ABLIM1: variants seen among roughly 807,000 people sequenced by gnomAD.
ABLIM1 encodes the protein actin binding LIM protein 1.
In ABLIM1, 40 loss-of-function variants were observed where a neutral mutation model predicts 107.0. The observed-to-expected ratio is 0.37, with a 90% CI of 0.29 to 0.49. The LOEUF (loss-of-function observed/expected upper bound fraction) is 0.49, where lower values mean the gene tolerates loss of function less well. Ranked by LOEUF, ABLIM1 falls within the 20% of genes least tolerant of loss-of-function variation. The pLI, the probability that ABLIM1 is intolerant of heterozygous loss-of-function variation, is 0.97. For missense variants in ABLIM1, 857 were observed against 1,008.5 expected (o/e 0.85, Z 2.04); for synonymous variants, 357 against 357.3 (o/e 1.00, Z 0.01).
At chr10:114,673,132 C>A (rs1478099581) in intron 1 of ABLIM1, among the ~76,000 whole-genome samples, 1 of 151,986 alleles carries the variant, frequency 6.6e-6, no homozygotes, top group Non-Finnish European at 1.5e-5. Context: ...GTGGTGCATG[C>A]CTGCAATCCC....
intron 4 of ABLIM1, among the ~76,000 whole-genome samples, chr10:114,568,082 C>T (rs1162195495): frequency 1.4e-5 from 2 of 147,646 alleles, no homozygotes; most frequent in African/African-American, 2.5e-5. Context: ...CCCAGCTACT[C>T]GGGAGGCTGA....
the ABLIM1 span, among the ~76,000 whole-genome samples, chr10:114,792,992 A>T: frequency 6.6e-6 from 1 of 152,090 alleles, no homozygotes; most frequent in African/African-American, 2.4e-5. Flanking sequence ...TCTCTACTGA[A>T]AATACAAAAA....
chr10:114,724,201 A>G (rs1051196615), intron 1 of ABLIM1, among the ~76,000 whole-genome samples: 4 of 152,214 alleles, frequency 2.6e-5, no homozygotes, highest in Non-Finnish European at 5.9e-5. Context: ...AAAGCCTGTA[A>G]CAAGAGACTC....
intron 1 of ABLIM1, among the ~76,000 whole-genome samples, chr10:114,663,576 T>G (rs2079882639): frequency 6.6e-6 from 1 of 152,226 alleles, no homozygotes; most frequent in African/African-American, 2.4e-5. Flanking sequence ...AATGTTCACA[T>G]TCTATACCAT....
At chr10:114,541,558 A>G (rs1565879037) in intron 6 of ABLIM1, among the ~76,000 whole-genome samples, 1 of 152,098 alleles carries the variant, frequency 6.6e-6, no homozygotes, top group Non-Finnish European at 1.5e-5. Context: ...GTCACACGTC[A>G]GTGTGATAAC....
chr10:114,731,266 G>A (rs1275841841), intron 1 of ABLIM1, among the ~76,000 whole-genome samples: 1 of 149,092 alleles, frequency 6.7e-6, no homozygotes, highest in Admixed American at 6.7e-5. Flanking sequence ...TCAGCCTTGC[G>A]AGTAGCTGAG....
chr10:114,597,604 A>C (rs1246812436), intron 2 of ABLIM1, among the ~76,000 whole-genome samples: 1 of 152,138 alleles, frequency 6.6e-6, no homozygotes, highest in Non-Finnish European at 1.5e-5. Flanking sequence ...AACAAAAAGA[A>C]AAGAAAATAA....
Position 114,734,853 on chromosome 10 carries a change from ATAAC to A in ABLIM1, c.-213+33204_-213+33207del, listed in dbSNP as rs745718143. Among the ~76,000 whole-genome samples, 7 of 152,310 alleles carry A rather than the reference ATAAC, an allele frequency of 4.6e-5. No individual in the cohort carries two copies. The East Asian group carries it at 1.4e-3, about 29-fold the overall frequency. ...CCTTCATCTAGCGATAACTTAGTAA[ATAAC>A]TAATAAGTAAACATACGCAAAATAG... On this transcript the variant is annotated intron_variant, in intron 1 of 15. Coordinates refer to the ABLIM1 transcript ENST00000651092.
At chr10:114,443,192 G>A (rs1053010265) in intron 17 of ABLIM1, among the ~76,000 whole-genome samples, 6 of 152,152 alleles carry the variant, frequency 3.9e-5, no homozygotes, top group Admixed American at 3.9e-4. Flanking sequence ...GAGAGAATTG[G>A]CTTATGACAA....
At chr10:114,593,319 C>G (rs918185228) in intron 2 of ABLIM1, among the ~76,000 whole-genome samples, 1 of 152,140 alleles carries the variant, frequency 6.6e-6, no homozygotes, top group African/African-American at 2.4e-5. Context: ...ACCCTACTTG[C>G]AAGCTAACAA....
the ABLIM1 span, among the ~76,000 whole-genome samples, chr10:114,788,589 G>A: frequency 3.9e-5 from 6 of 152,122 alleles, no homozygotes; most frequent in African/African-American, 9.6e-5. Context: ...TTAGCTGGGC[G>A]TGGTGGCGTG....
chr10:114,795,709 C>CA, the ABLIM1 span, among the ~76,000 whole-genome samples: 4,366 of 108,990 alleles, frequency 0.04, 69 homozygotes, highest in Non-Finnish European at 0.055. Flanking sequence ...GACTCCATCT[C>CA]AAAAAAAAAA....
intron 1 of ABLIM1, among the ~76,000 whole-genome samples, chr10:114,645,096 C>G (rs1301056367): frequency 6.6e-6 from 1 of 152,188 alleles, no homozygotes; most frequent in Non-Finnish European, 1.5e-5. Flanking sequence ...AAAATAATAT[C>G]TCAGTTGGGA....
chr10:114,787,580 G>A, the ABLIM1 span, among the ~76,000 whole-genome samples: 7 of 142,670 alleles, frequency 4.9e-5, no homozygotes, highest in African/African-American at 1.8e-4. Flanking sequence ...GGAGGGAGGT[G>A]GGGGGTCAGC....
intron 1 of ABLIM1, among the ~76,000 whole-genome samples, chr10:114,694,468 A>G (rs1330283373): frequency 6.6e-6 from 1 of 152,204 alleles, no homozygotes; most frequent in East Asian, 1.9e-4. Context: ...CTCATTTACA[A>G]AAGGGCTCCT....
At chr10:114,641,367 C>G (rs532774703) in intron 1 of ABLIM1, among the ~76,000 whole-genome samples, 1 of 150,768 alleles carries the variant, frequency 6.6e-6, no homozygotes. Context: ...CAAGTGTTTC[C>G]TAAGTGTCAG....
intron 2 of ABLIM1, among the ~76,000 whole-genome samples, chr10:114,575,957 C>A (rs1261524247): frequency 1.3e-5 from 2 of 152,192 alleles, no homozygotes. Flanking sequence ...TGCCTGCCCA[C>A]ACAACCACAT....
At chr10:114,609,396 C>T (rs2497667) in intron 1 of ABLIM1, among the ~76,000 whole-genome samples, 130,662 of 152,188 alleles carry the variant, frequency 0.86, 56,494 homozygotes, top group East Asian at 1. Flanking sequence ...CAGGTCCTGG[C>T]GCTTCTCTGA....
At chr10:114,528,445 G>T (rs891130505) in intron 6 of ABLIM1, among the ~76,000 whole-genome samples, 20 of 152,210 alleles carry the variant, frequency 1.3e-4, no homozygotes, top group Non-Finnish European at 2.2e-4. Context: ...TAGCAACAAA[G>T]CCGTGCTTCT....
Sources: allele counts gnomAD v4.1 joint callset (sites outside exome capture counted in the v4.1 genomes callset), GRCh38; gene constraint gnomAD v4.1.1; transcripts MANE v1.5; gene names NCBI Gene and HGNC (gene_info 2026-07-23, HGNC 2026-07-21).